KCNQ3: variants seen among roughly 807,000 people sequenced by gnomAD.
KCNQ3 encodes potassium voltage-gated channel subfamily Q member 3.
A neutral mutation model predicts 92.5 loss-of-function variants in KCNQ3; 30 were observed. The observed-to-expected ratio is 0.32, with a 90% CI of 0.24 to 0.44. The LOEUF is 0.44. Ranked by LOEUF, KCNQ3 falls within the 20% of genes least tolerant of loss-of-function variation. The pLI is 1.00. For synonymous variants in KCNQ3, 450 were observed against 468.8 expected (o/e 0.96, Z 0.52); for missense variants, 913 against 1,140.3 (o/e 0.80, Z 2.87).
Position 132,128,251 on chromosome 8 carries a change from G to A in KCNQ3, c.*1011C>T, listed in dbSNP as rs967441767. The A allele has an allele frequency of 6.6e-6, 1 of 152,106 alleles. No homozygotes were observed. Among genetic ancestry groups the A allele is most frequent in the Admixed American group, 6.5e-5 (1 of 15,278 alleles). The allele number at this position is 152,106 out of a possible 1,614,324, so 9.4% of individuals were successfully genotyped here. ...TCTATGGGACAACTGAGTGACTCTG[G>A]GTATGTCACTTTACCTGAGCCTAAG... On this transcript the variant is annotated 3_prime_UTR_variant, in exon 15 of 15. Transcript: ENST00000388996.
rs1186787784 is a variant in KCNQ3 at position 132,134,318 on chromosome 8, A to C, written c.1771T>G (p.Phe591Val). The C allele has an allele frequency of 6.8e-6, 11 of 1,613,994 alleles. No individual in the cohort carries two copies. The highest frequency in any genetic ancestry group is 9.3e-6 in the Non-Finnish European group (11 of 1,179,964). Residue 591 changes from phenylalanine to valine, a missense_variant, in exon 13 of 15, where the codon TTC becomes GTC. This residue lies in a region of KCNQ3 where 375 missense variants were observed against 376.4 expected (regional missense o/e 1.00). Coordinates refer to ENST00000388996, the MANE Select transcript of KCNQ3 (RefSeq NM_004519.4). ...KHKKSQKGSA[F>V]TFPSQQSPRN... Reference sequence around the variant, plus strand: ...GGAGATTGCTGGGATGGGAAGGTGAATGCTGACCCTTTCTGAGACTTCTTG... The same window carrying C: ...GGAGATTGCTGGGATGGGAAGGTGACTGCTGACCCTTTCTGAGACTTCTTG...
intron 1 of KCNQ3, among the ~76,000 whole-genome samples, chr8:132,336,392 A>G (rs1818367726): frequency 6.6e-6 from 1 of 152,234 alleles, no homozygotes; most frequent in Non-Finnish European, 1.5e-5. Context: ...GGCCCACTGT[A>G]GTGACTTAAT....
chr8:132,454,758 C>T (rs983975660), intron 1 of KCNQ3, among the ~76,000 whole-genome samples: 11 of 152,120 alleles, frequency 7.2e-5, no homozygotes, highest in African/African-American at 2.4e-4. Context: ...AAGTATTACT[C>T]ATAATAGCCA....
At chr8:132,330,699 G>A (rs1818203516) in intron 1 of KCNQ3, among the ~76,000 whole-genome samples, 1 of 152,188 alleles carries the variant, frequency 6.6e-6, no homozygotes, top group Non-Finnish European at 1.5e-5. Context: ...CCTAGTCCCT[G>A]ATTTTCTGCA....
intron 1 of KCNQ3, among the ~76,000 whole-genome samples, chr8:132,337,338 A>T (rs1026015432): frequency 2.6e-5 from 4 of 152,128 alleles, no homozygotes; most frequent in African/African-American, 9.7e-5. Flanking sequence ...CTCTATAAAA[A>T]TTTTAAAAGT....
intron 7 of KCNQ3, 35 bp from the exon 8 acceptor site, chr8:132,170,463 G>T: frequency 7.1e-7 from 1 of 1,400,364 alleles, no homozygotes; most frequent in Non-Finnish European, 1.0e-6. Flanking sequence ...CAATGAGTGG[G>T]CACCACCTGA....
At chr8:132,177,166 T>C (rs75234101) in intron 4 of KCNQ3, among the ~76,000 whole-genome samples, 3,076 of 152,326 alleles carry the variant, frequency 0.02, 112 homozygotes, top group African/African-American at 0.069. Context: ...AAATCAACAG[T>C]TGTCTGTTTC....
intron 1 of KCNQ3, among the ~76,000 whole-genome samples, chr8:132,383,678 G>C (rs547609647): frequency 6.6e-6 from 1 of 152,330 alleles, no homozygotes; most frequent in African/African-American, 2.4e-5. Context: ...GCAGTGCCTG[G>C]TACATGCACA....
chr8:132,194,256 T>C (rs1375779732), intron 1 of KCNQ3, among the ~76,000 whole-genome samples: 1 of 152,244 alleles, frequency 6.6e-6, no homozygotes, highest in South Asian at 2.1e-4. Flanking sequence ...GTCCTAACCC[T>C]TGGCCACCAT....
chr8:132,229,061 C>A (rs1233256349), intron 1 of KCNQ3, among the ~76,000 whole-genome samples: 3 of 152,130 alleles, frequency 2.0e-5, no homozygotes, highest in Admixed American at 1.3e-4. Flanking sequence ...TGATACCATC[C>A]TGGCCAACAT....
At chr8:132,218,448 G>A (rs1036113514) in intron 1 of KCNQ3, among the ~76,000 whole-genome samples, 1 of 152,070 alleles carries the variant, frequency 6.6e-6, no homozygotes, top group African/African-American at 2.4e-5. Context: ...CCACAGTTTT[G>A]ACCAAAAAGG....
chr8:132,459,160 T>C (rs1231781464), intron 1 of KCNQ3, among the ~76,000 whole-genome samples: 1 of 152,172 alleles, frequency 6.6e-6, no homozygotes, highest in African/African-American at 2.4e-5. Context: ...GTTATGGGAT[T>C]TGTGGGGGAA....
At chr8:132,397,463 T>C (rs563098253) in intron 1 of KCNQ3, among the ~76,000 whole-genome samples, 1 of 152,202 alleles carries the variant, frequency 6.6e-6, no homozygotes, top group African/African-American at 2.4e-5. Context: ...GGAATCAGAA[T>C]AAGACTATCT....
chr8:132,232,877 A>AT, intron 1 of KCNQ3, among the ~76,000 whole-genome samples: 1 of 152,218 alleles, frequency 6.6e-6, no homozygotes, highest in East Asian at 1.9e-4. Flanking sequence ...AAAGGTCTCC[A>AT]TATCTTTCTT....
chr8:132,144,800 C>T (rs1009176783), intron 9 of KCNQ3, among the ~76,000 whole-genome samples: 1 of 152,106 alleles, frequency 6.6e-6, no homozygotes, highest in Non-Finnish European at 1.5e-5. Flanking sequence ...TTACTTTTGC[C>T]TAAAACATGG....
At chr8:132,184,211 G>A (rs1261676847) in intron 3 of KCNQ3, 30 bp downstream of exon 3, 8 of 1,614,000 alleles carry the variant, frequency 5.0e-6, no homozygotes, top group Admixed American at 1.7e-5. Flanking sequence ...GGGAACTGAG[G>A]AGGCTGGGAG....
chr8:132,318,565 G>A (rs554725888), intron 1 of KCNQ3, among the ~76,000 whole-genome samples: 1 of 152,338 alleles, frequency 6.6e-6, no homozygotes, highest in South Asian at 2.1e-4. Context: ...CATGTGGTGA[G>A]GGGATTTCTT....
At chr8:132,349,359 C>G (rs117143073) in intron 1 of KCNQ3, among the ~76,000 whole-genome samples, 4 of 152,296 alleles carry the variant, frequency 2.6e-5, no homozygotes, top group Non-Finnish European at 4.4e-5. Flanking sequence ...CCCACAAAAT[C>G]AGAAGCACAG....
intron 9 of KCNQ3, among the ~76,000 whole-genome samples, chr8:132,154,325 G>T (rs999706264): frequency 1.4e-5 from 2 of 146,162 alleles, no homozygotes; most frequent in African/African-American, 2.5e-5. Flanking sequence ...ATATTTATAC[G>T]TGTTTTCTAA....
Sources: gnomAD v4.1 joint callset for allele counts (sites outside exome capture counted in the v4.1 genomes callset) on GRCh38, gnomAD v4.1.1 for gene constraint, gnomAD v4.1.1 regional missense constraint, MANE v1.5 for transcripts, NCBI Gene and HGNC (gene_info 2026-07-23, HGNC 2026-07-21) for gene names.